EMCN: variants seen among roughly 807,000 people sequenced by gnomAD.
The protein encoded by EMCN is endomucin.
Under a neutral mutation model 38.4 loss-of-function variants are expected in EMCN, and 37 were observed. The ratio of observed to expected loss-of-function variants is 0.96; its 90% confidence interval spans 0.74 to 1.27. The LOEUF is 1.27. Ranked by LOEUF, EMCN falls within the 50% of genes most tolerant of loss-of-function variation. The pLI is 0.00. For synonymous variants in EMCN, 95 were observed against 100.8 expected (o/e 0.94, Z 0.35); for missense variants, 318 against 302.8 (o/e 1.05, Z -0.37).
chr4:100,479,186 T>G (rs1728740796), intron 2 of EMCN, among the ~76,000 whole-genome samples: 2 of 152,156 alleles, frequency 1.3e-5, no homozygotes, highest in South Asian at 4.1e-4. Flanking sequence ...AGTTATCCAT[T>G]CATCAAGATA....
chr4:100,488,165 T>A (rs1728988902), intron 1 of EMCN, among the ~76,000 whole-genome samples: 1 of 152,210 alleles, frequency 6.6e-6, no homozygotes, highest in Non-Finnish European at 1.5e-5. Flanking sequence ...GAGCAATGTC[T>A]CCTCAACTGT....
At chr4:100,479,030 T>C (rs1318675282) in intron 2 of EMCN, among the ~76,000 whole-genome samples, 1 of 152,158 alleles carries the variant, frequency 6.6e-6, no homozygotes, top group Non-Finnish European at 1.5e-5. Context: ...ACTATGATCA[T>C]AGTACTCTTT....
chr4:100,462,777 C>T (rs1432077710), intron 4 of EMCN, among the ~76,000 whole-genome samples: 2 of 151,890 alleles, frequency 1.3e-5, no homozygotes, highest in African/African-American at 2.4e-5. Flanking sequence ...GGTGACTGTC[C>T]CATTAAAAAG....
At chr4:100,421,458 AGT>A (rs1726886162) in intron 7 of EMCN, 81 bp from the exon 8 acceptor site, 1 of 998,204 alleles carries the variant, frequency 1.0e-6, no homozygotes, top group Non-Finnish European at 1.6e-6. Flanking sequence ...CCAAAGCATG[AGT>A]ACTTCCTTTC....
intron 1 of EMCN, chr4:100,486,828 T>C: frequency 1.0e-6 from 1 of 983,102 alleles, no homozygotes; most frequent in Non-Finnish European, 1.2e-6. Context: ...GACAAATGGA[T>C]GGAGGTGTAC....
chr4:100,506,075 A>T (rs188559018), intron 1 of EMCN, among the ~76,000 whole-genome samples: 219 of 152,280 alleles, frequency 1.4e-3, no homozygotes, highest in African/African-American at 5.1e-3. Flanking sequence ...ACATTTTATG[A>T]TTTGTGGTTT....
intron 9 of EMCN, 45 bp downstream of exon 9, chr4:100,417,072 C>T (rs775988415): frequency 1.6e-5 from 26 of 1,589,696 alleles, no homozygotes; most frequent in Admixed American, 6.8e-5. Flanking sequence ...ATTTTCACTA[C>T]GTAAATGGTA....
At chr4:100,427,451 CTCTTTTT>C (rs1002787899) in intron 5 of EMCN, among the ~76,000 whole-genome samples, 8 of 130,980 alleles carry the variant, frequency 6.1e-5, no homozygotes, top group South Asian at 4.7e-4. Flanking sequence ...TTCTCTCTCT[CTCTTTTT>C]TTTTTTTTTT....
chr4:100,481,492 C>T (rs182050462), intron 1 of EMCN, among the ~76,000 whole-genome samples: 8 of 152,216 alleles, frequency 5.3e-5, no homozygotes, highest in Admixed American at 4.6e-4. Flanking sequence ...ACTGCATTTT[C>T]ACAGGCTTTA....
chr4:100,480,637 A>T (rs1728782505), intron 1 of EMCN, among the ~76,000 whole-genome samples: 2 of 151,912 alleles, frequency 1.3e-5, no homozygotes, highest in African/African-American at 4.8e-5. Context: ...ATCTTTAATG[A>T]AATTCAACAA....
Position 100,517,867 on chromosome 4 carries a change from G to A in EMCN, c.48C>T (p.Cys16=), listed in dbSNP as rs1297383758. The change falls in exon 1 of 12, where the codon TGC becomes TGT. Residue 16 remains cysteine, a synonymous_variant. Coordinates refer to ENST00000296420, the MANE Select transcript of EMCN (RefSeq NM_016242.4). Reference sequence around the variant, plus strand: ...CAAAAATACCTGTGCTGTTACTGCTGCAAATACTGGGCAGAAGAAAAAGAA... The same window carrying A: ...CAAAAATACCTGTGCTGTTACTGCTACAAATACTGGGCAGAAGAAAAAGAA... ...VTILFLLPSI[C]SSNSTGVLEA... 1.9e-6 allele frequency: 3 copies of A among 1,612,736 alleles called. No individual in the cohort carries two copies. The highest frequency in any genetic ancestry group is 1.1e-5 in the South Asian group (1 of 91,050).
chr4:100,494,415 T>C (rs1729160195), intron 1 of EMCN, among the ~76,000 whole-genome samples: 1 of 152,092 alleles, frequency 6.6e-6, no homozygotes, highest in Non-Finnish European at 1.5e-5. Context: ...CAAAGTCTGG[T>C]TGGGGAGTAT....
At chr4:100,403,882 G>T (rs2110205049) in intron 11 of EMCN, among the ~76,000 whole-genome samples, 1 of 152,190 alleles carries the variant, frequency 6.6e-6, no homozygotes, top group Non-Finnish European at 1.5e-5. Context: ...CTTTTGAGAA[G>T]TGTGCATTCA....
At chr4:100,436,846 C>T (rs1438522151) in intron 5 of EMCN, among the ~76,000 whole-genome samples, 1 of 152,118 alleles carries the variant, frequency 6.6e-6, no homozygotes, top group Non-Finnish European at 1.5e-5. Flanking sequence ...GGGGACAACA[C>T]ACACTGGGGC....
At chr4:100,477,327 A>T (rs973623545) in intron 2 of EMCN, among the ~76,000 whole-genome samples, 3 of 151,842 alleles carry the variant, frequency 2.0e-5, no homozygotes, top group East Asian at 1.9e-4. Flanking sequence ...GATATTCAAC[A>T]TCTGTCAAAT....
intron 2 of EMCN, among the ~76,000 whole-genome samples, chr4:100,477,533 G>A (rs1431141917): frequency 1.3e-5 from 2 of 152,172 alleles, no homozygotes; most frequent in Non-Finnish European, 2.9e-5. Context: ...CATCTCAGTT[G>A]CACATTTTCC....
At chr4:100,417,003 A>T in intron 9 of EMCN, 114 bp downstream of exon 9, 1 of 1,033,964 alleles carries the variant, frequency 9.7e-7, no homozygotes, top group Non-Finnish European at 1.5e-6. Flanking sequence ...GTTAAAGCCA[A>T]TATGTAGATT....
chr4:100,405,256 A>G (rs999462736), intron 11 of EMCN, among the ~76,000 whole-genome samples: 1 of 152,044 alleles, frequency 6.6e-6, no homozygotes, highest in African/African-American at 2.4e-5. Context: ...CCATGTGAAT[A>G]TGAGTGGTGA....
chr4:100,426,360 G>A lies in EMCN; in HGVS notation c.416-2956C>T, dbSNP rs181127499. On this transcript the variant is annotated intron_variant, in intron 5 of 11. Coordinates refer to ENST00000296420, the MANE Select transcript of EMCN (RefSeq NM_016242.4). ...GCCGGCTTGTCCTGGGAGGAATGTG[G>A]ACTGGAGGATTCCCTGATGGTCTTG... 2.6e-3 allele frequency among the ~76,000 whole-genome samples: 401 copies of A among 152,226 alleles called. 3 individuals are homozygous for A. Among genetic ancestry groups the A allele is most frequent in the African/African-American group, 9.0e-3 (373 of 41,546 alleles).
Sources: gnomAD v4.1 joint callset for allele counts (sites outside exome capture counted in the v4.1 genomes callset) on GRCh38, gnomAD v4.1.1 for gene constraint, MANE v1.5 for transcripts, NCBI Gene and HGNC (gene_info 2026-07-23, HGNC 2026-07-21) for gene names.